HRH2: variants seen among roughly 807,000 people sequenced by gnomAD.
HRH2 encodes histamine H2 receptor.
In HRH2, 4 loss-of-function variants were observed where a neutral mutation model predicts 20.1. The observed-to-expected ratio is 0.20, with a 90% CI of 0.10 to 0.45. The LOEUF is 0.45. Ranked by LOEUF, HRH2 falls within the 20% of genes least tolerant of loss-of-function variation. HRH2 has a pLI of 0.99. For synonymous variants in HRH2, 197 were observed against 200.7 expected (o/e 0.98, Z 0.16); for missense variants, 250 against 461.6 (o/e 0.54, Z 4.20).
chr5:175,663,576 C>T (rs1335082428), intron 1 of HRH2, among the ~76,000 whole-genome samples: 1 of 152,172 alleles, frequency 6.6e-6, no homozygotes, highest in African/African-American at 2.4e-5. Flanking sequence ...AGGCCCTGCC[C>T]GTGCACTGTC....
rs1474080657 is a variant in HRH2, at chr5:175,684,010, G to T, written c.777G>T (p.Leu259=). The T allele has an allele frequency of 7.4e-6, 12 of 1,614,074 alleles. No individual in the cohort carries two copies. The highest frequency in any genetic ancestry group is 1.0e-5 in the Non-Finnish European group (12 of 1,180,044). The change falls in exon 2 of 3, where the codon CTG becomes CTT. Residue 259 remains leucine (L), a synonymous_variant. Coordinates refer to ENST00000636584, the MANE Select transcript of HRH2 (RefSeq NM_001367711.1). ...TCACCGCGTTTGTGTACCGTGGGCT[G>T]AGAGGGGATGATGCCATCAATGAGG... is the stretch of plus-strand genomic sequence containing the variant. ...PYFTAFVYRG[L]RGDDAINEVL...
chr5:175,670,280 T>G (rs1265114781), intron 1 of HRH2, among the ~76,000 whole-genome samples: 1 of 152,180 alleles, frequency 6.6e-6, no homozygotes, highest in African/African-American at 2.4e-5. Flanking sequence ...GAAAATTTTT[T>G]TTTTAAAGTA....
chr5:175,702,271 G>GA (rs1330008807), intron 2 of HRH2, among the ~76,000 whole-genome samples: 3 of 151,404 alleles, frequency 2.0e-5, no homozygotes, highest in Non-Finnish European at 4.4e-5. Flanking sequence ...GGAAAATTTA[G>GA]AAAAAAATGG....
chr5:175,706,435 G>C (rs941881826), intron 2 of HRH2, among the ~76,000 whole-genome samples: 1 of 152,184 alleles, frequency 6.6e-6, no homozygotes, highest in African/African-American at 2.4e-5. Context: ...TTCCAAAATA[G>C]CATTATTTTT....
intron 1 of HRH2, among the ~76,000 whole-genome samples, chr5:175,668,983 G>A (rs575196048): frequency 2.6e-5 from 4 of 152,094 alleles, no homozygotes; most frequent in African/African-American, 4.8e-5. Context: ...CCCTGCTTTG[G>A]TTTTTGTTTT....
chr5:175,665,974 A>G (rs1762876225), intron 1 of HRH2, among the ~76,000 whole-genome samples: 2 of 152,200 alleles, frequency 1.3e-5, no homozygotes, highest in Non-Finnish European at 2.9e-5. Flanking sequence ...TTTCAAACCC[A>G]GAAGATTTTA....
Position 175,677,324 on chromosome 5 carries a change from G to A in HRH2, c.-525-5385G>A, listed in dbSNP as rs1384242686. ...TATGCAGTCATTCACTGATGGACAT[G>A]TAGGTTGATTCCATATCTTAGCTAC... On this transcript the variant is annotated intron_variant, in intron 1 of 2. Coordinates refer to ENST00000636584, the MANE Select transcript of HRH2 (RefSeq NM_001367711.1). The surrounding 1 kb of genome is among the most constrained non-coding windows in gnomAD (Gnocchi z 4.2). Among the ~76,000 whole-genome samples the A allele has an allele frequency of 6.6e-6, 1 of 152,238 alleles. No individual in the cohort carries two copies. Among genetic ancestry groups the A allele is most frequent in the African/African-American group, 2.4e-5 (1 of 41,454 alleles).
rs1444612693 is a variant in HRH2 at position 175,709,936 on chromosome 5, G to A, written c.*1965G>A. 1.3e-5 allele frequency: 2 copies of A among 152,842 alleles called. No individual in the cohort carries two copies. The highest frequency in any genetic ancestry group is 4.8e-5 in the African/African-American group (2 of 41,430). 9.5% of individuals were successfully genotyped at this position (152,842 alleles called of 1,614,324 possible). On this transcript the variant is annotated 3_prime_UTR_variant, in exon 3 of 3. Transcript: ENST00000636584. ...AGGCCTCCTCCGTCACTTCACTCTG[G>A]CCCTGCTGTTCTTTTCCTTTTAGTT... is the stretch of plus-strand genomic sequence containing the variant.
intron 2 of HRH2, among the ~76,000 whole-genome samples, chr5:175,705,213 A>G (rs1040418438): frequency 6.6e-6 from 1 of 152,238 alleles, no homozygotes; most frequent in Non-Finnish European, 1.5e-5. Context: ...ATGGTTGAGA[A>G]TAGGCTCAGG....
intron 2 of HRH2, chr5:175,685,259 C>T (rs1756130880): frequency 1.6e-6 from 1 of 620,786 alleles, no homozygotes; most frequent in Non-Finnish European, 2.8e-6. Context: ...CACCAAAGAC[C>T]TGAGTGGCAC....
At chr5:175,668,660 G>T (rs544287752) in intron 1 of HRH2, among the ~76,000 whole-genome samples, 37 of 152,220 alleles carry the variant, frequency 2.4e-4, no homozygotes, top group African/African-American at 8.4e-4. Context: ...TGAGAGTCGC[G>T]GTGAGGGGCC....
chr5:175,671,697 C>T (rs764042076), intron 1 of HRH2, among the ~76,000 whole-genome samples: 3 of 152,154 alleles, frequency 2.0e-5, no homozygotes, highest in Non-Finnish European at 4.4e-5. Flanking sequence ...TTCAATTGAA[C>T]ATCCGCAAAT....
At chr5:175,699,780 A>T (rs1756736027) in intron 2 of HRH2, among the ~76,000 whole-genome samples, 1 of 152,110 alleles carries the variant, frequency 6.6e-6, no homozygotes, top group Admixed American at 6.5e-5. Flanking sequence ...TCACCGTGTT[A>T]GCCGGAATGG....
chr5:175,708,301 C>T lies in HRH2; in HGVS notation c.*330C>T, dbSNP rs1012773448. On this transcript the variant is annotated 3_prime_UTR_variant, in exon 3 of 3. Coordinates refer to ENST00000636584, the MANE Select transcript of HRH2 (RefSeq NM_001367711.1). ...GCGTGCACATGTGTGTGCATGGGTGCATACGTGTAGGGACGTGCATGACCT... is the reference window on the plus strand; with the variant it reads ...GCGTGCACATGTGTGTGCATGGGTGTATACGTGTAGGGACGTGCATGACCT... 4.3e-6 allele frequency: 1 copy of T among 232,198 alleles called. No homozygotes were observed. Among genetic ancestry groups the T allele is most frequent in the Non-Finnish European group, 8.3e-6 (1 of 120,796 alleles). The allele number at this position is 232,198 out of a possible 1,614,324, so 14.4% of individuals were successfully genotyped here.
chr5:175,666,862 A>T (rs1191586604), intron 1 of HRH2, among the ~76,000 whole-genome samples: 14 of 152,106 alleles, frequency 9.2e-5, no homozygotes, highest in Non-Finnish European at 1.9e-4. Flanking sequence ...TAAGACCTTC[A>T]TGTGGTTCAA....
chr5:175,667,259 C>T (rs1025178964), intron 1 of HRH2, among the ~76,000 whole-genome samples: 6 of 152,042 alleles, frequency 3.9e-5, no homozygotes, highest in African/African-American at 9.7e-5. Context: ...GTCTGGCCAA[C>T]GTGGTGAAAA....
chr5:175,685,412 A>G, intron 2 of HRH2: 1 of 1,550,922 alleles, frequency 6.4e-7, no homozygotes. Flanking sequence ...CCCACAGACC[A>G]TGGCTTTGCC....
chr5:175,659,891 G>A (rs1762684276), intron 1 of HRH2, among the ~76,000 whole-genome samples: 1 of 152,128 alleles, frequency 6.6e-6, no homozygotes. Context: ...AGGAAGGAAG[G>A]TCACTACTCA....
intron 2 of HRH2, among the ~76,000 whole-genome samples, chr5:175,688,005 C>T (rs1756230657): frequency 6.6e-6 from 1 of 152,198 alleles, no homozygotes; most frequent in Non-Finnish European, 1.5e-5. Context: ...GCCTCCCTTT[C>T]CTTTACCTTT....
Sources: allele counts gnomAD v4.1 joint callset (sites outside exome capture counted in the v4.1 genomes callset), GRCh38; gene constraint gnomAD v4.1.1; non-coding constraint Gnocchi (gnomAD v3.1); transcripts MANE v1.5; gene names NCBI Gene and HGNC (gene_info 2026-07-23, HGNC 2026-07-21).